Variants in DCDC1 observed in about 807,000 individuals in gnomAD.
DCDC1 encodes the protein doublecortin domain containing 1, also known as doublecortin domain-containing protein 1.
In DCDC1, 200 loss-of-function variants were observed where a neutral mutation model predicts 178.3. The ratio of observed to expected loss-of-function variants is 1.12; its 90% CI spans 1.00 to 1.26. The LOEUF is 1.26. DCDC1 is among the 50% of genes most tolerant of loss of function. The pLI is 0.00. For missense variants in DCDC1, 1,983 were observed against 1,749.2 expected (o/e 1.13, Z -2.38); for synonymous variants, 690 against 604.8 (o/e 1.14, Z -2.07).
intron 6 of DCDC1, among the ~76,000 whole-genome samples, chr11:31,301,820 G>A: frequency 6.6e-6 from 1 of 152,092 alleles, no homozygotes; most frequent in East Asian, 1.9e-4. Flanking sequence ...ATCACAAGCT[G>A]TCATAGCAAA....
intron 27 of DCDC1, among the ~76,000 whole-genome samples, chr11:30,911,868 C>G (rs1945472476): frequency 6.6e-6 from 1 of 152,134 alleles, no homozygotes; most frequent in Non-Finnish European, 1.5e-5. Flanking sequence ...CTGCACCCCC[C>G]TATATGTTCC....
At chr11:31,049,241 A>C (rs575348623) in intron 20 of DCDC1, among the ~76,000 whole-genome samples, 1 of 152,360 alleles carries the variant, frequency 6.6e-6, no homozygotes, top group South Asian at 2.1e-4. Context: ...AAAGACGGTA[A>C]CTTGACAGGC....
At chr11:31,103,212 C>A (rs184824669) in intron 14 of DCDC1, among the ~76,000 whole-genome samples, 24 of 152,308 alleles carry the variant, frequency 1.6e-4, no homozygotes, top group African/African-American at 5.5e-4. Context: ...CCAACTCCTA[C>A]TCTTCACTGC....
At chr11:31,117,315 A>G (rs895193201) in intron 11 of DCDC1, among the ~76,000 whole-genome samples, 1 of 152,094 alleles carries the variant, frequency 6.6e-6, no homozygotes, top group African/African-American at 2.4e-5. Flanking sequence ...CCTGGCTTCA[A>G]ACAGGGTAGA....
At chr11:30,927,818 T>C (rs1250624571) in intron 22 of DCDC1, among the ~76,000 whole-genome samples, 1 of 152,156 alleles carries the variant, frequency 6.6e-6, no homozygotes, top group Non-Finnish European at 1.5e-5. Context: ...TAGCATAATT[T>C]TCCTTAAACT....
intron 1 of DCDC1, among the ~76,000 whole-genome samples, chr11:31,336,611 T>C (rs942559868): frequency 1.3e-5 from 2 of 152,234 alleles, no homozygotes; most frequent in African/African-American, 4.8e-5. Context: ...AATGTGTCCA[T>C]ATGTTAGTAT....
chr11:30,894,934 A>G (rs1944087029), intron 34 of DCDC1, among the ~76,000 whole-genome samples: 1 of 152,170 alleles, frequency 6.6e-6, no homozygotes, highest in African/African-American at 2.4e-5. Context: ...AAGCTGTAGT[A>G]AGAGAAAATA....
chr11:31,336,220 G>C (rs911031254), intron 1 of DCDC1, among the ~76,000 whole-genome samples: 1 of 152,224 alleles, frequency 6.6e-6, no homozygotes, highest in East Asian at 1.9e-4. Context: ...AGGGTTGTTA[G>C]TGTAGGCCAC....
At chr11:31,355,187 T>A (rs1951276531) in intron 1 of DCDC1, among the ~76,000 whole-genome samples, 1 of 152,134 alleles carries the variant, frequency 6.6e-6, no homozygotes, top group Admixed American at 6.5e-5. Context: ...GAAGAATACC[T>A]CTTATTTGGT....
chr11:31,126,679 A>C (rs898141820), intron 11 of DCDC1, among the ~76,000 whole-genome samples: 1 of 152,176 alleles, frequency 6.6e-6, no homozygotes, highest in Non-Finnish European at 1.5e-5. Context: ...TGATTTCTTA[A>C]ATGGAAATAG....
chr11:31,310,589 G>A (rs1948716680), intron 3 of DCDC1, among the ~76,000 whole-genome samples: 1 of 151,944 alleles, frequency 6.6e-6, no homozygotes, highest in Non-Finnish European at 1.5e-5. Context: ...AAAGTGCTGG[G>A]ATTACACCGC....
intron 32 of DCDC1, among the ~76,000 whole-genome samples, chr11:30,902,675 G>A (rs1417700395): frequency 4.6e-5 from 7 of 152,034 alleles, no homozygotes; most frequent in Admixed American, 2.6e-4. Context: ...ATAGTTAAAC[G>A]ACTTACCCAA....
intron 3 of DCDC1, among the ~76,000 whole-genome samples, chr11:31,327,902 G>A (rs568436201): frequency 2.6e-5 from 4 of 151,464 alleles, no homozygotes; most frequent in Admixed American, 6.6e-5. Flanking sequence ...TAATTTTTTC[G>A]TATTTTTAGT....
intron 1 of DCDC1, among the ~76,000 whole-genome samples, chr11:31,365,282 G>T (rs1053060854): frequency 4.6e-5 from 7 of 152,056 alleles, no homozygotes; most frequent in Admixed American, 6.6e-5. Flanking sequence ...GTTTTTGGTG[G>T]TTTTTCTATC....
intron 20 of DCDC1, among the ~76,000 whole-genome samples, chr11:30,982,080 C>T (rs1416168238): frequency 6.6e-6 from 1 of 152,096 alleles, no homozygotes; most frequent in Non-Finnish European, 1.5e-5. Flanking sequence ...ACATAAATTA[C>T]ATGTCTAAAA....
chr11:31,186,840 C>T (rs958011921), intron 9 of DCDC1, among the ~76,000 whole-genome samples: 1 of 152,202 alleles, frequency 6.6e-6, no homozygotes, highest in Non-Finnish European at 1.5e-5. Context: ...TCCTTCAAGA[C>T]TAGCATCCAA....
chr11:30,976,245 C>G (rs1950096068), intron 20 of DCDC1, among the ~76,000 whole-genome samples: 1 of 151,804 alleles, frequency 6.6e-6, no homozygotes, highest in African/African-American at 2.4e-5. Context: ...TAGAAGAAAA[C>G]AAAAAGCACT....
chr11:31,147,021 A>G (rs1964523602), intron 9 of DCDC1, among the ~76,000 whole-genome samples: 1 of 152,164 alleles, frequency 6.6e-6, no homozygotes, highest in African/African-American at 2.4e-5. Flanking sequence ...GGAGTGGGGC[A>G]GAAGTCCCTT....
At chr11:30,982,486 A>G (rs549620982) in intron 20 of DCDC1, among the ~76,000 whole-genome samples, 8 of 152,322 alleles carry the variant, frequency 5.3e-5, no homozygotes, top group African/African-American at 1.7e-4. Flanking sequence ...ATGTAGCATT[A>G]AAGACCAAAG....
Sources: gnomAD v4.1 joint callset for allele counts (sites outside exome capture counted in the v4.1 genomes callset) on GRCh38, gnomAD v4.1.1 for gene constraint, MANE v1.5 for transcripts, NCBI Gene and HGNC (gene_info 2026-07-23, HGNC 2026-07-21) for gene names.